KCNT2: variants seen among roughly 807,000 people sequenced by gnomAD.
KCNT2 encodes potassium sodium-activated channel subfamily T member 2.
Under a neutral mutation model 153.8 loss-of-function variants are expected in KCNT2, and 67 were observed. The observed-to-expected ratio is 0.44, with a 90% confidence interval of 0.36 to 0.53. The LOEUF (loss-of-function observed/expected upper bound fraction) is 0.53, where lower values mean the gene tolerates loss of function less well. Ranked by LOEUF, KCNT2 falls within the 20% of genes least tolerant of loss-of-function variation. The pLI is 0.00. For synonymous variants in KCNT2, 500 were observed against 458.8 expected, an observed-to-expected ratio of 1.09 and a Z score of -1.15; for missense variants, 975 against 1,354.8, an observed-to-expected ratio of 0.72 and a Z score of 4.40.
intron 12 of KCNT2, among the ~76,000 whole-genome samples, chr1:196,421,055 C>T (rs1045688391): frequency 4.6e-5 from 7 of 152,130 alleles, no homozygotes; most frequent in African/African-American, 7.2e-5. Context: ...GGTTGCAAAA[C>T]GCAGCTTGCT....
At chr1:196,280,546 A>G (rs1199809380) in intron 25 of KCNT2, among the ~76,000 whole-genome samples, 1 of 152,204 alleles carries the variant, frequency 6.6e-6, no homozygotes, top group East Asian at 1.9e-4. Flanking sequence ...TCAGAACCTC[A>G]AGGTTATTTG....
intron 1 of KCNT2, among the ~76,000 whole-genome samples, chr1:196,547,953 G>A (rs958754105): frequency 6.6e-6 from 1 of 151,630 alleles, no homozygotes; most frequent in Non-Finnish European, 1.5e-5. Context: ...TTCTGATCTG[G>A]TACGTCTATA....
At chr1:196,398,693 C>T (rs1028863674) in intron 12 of KCNT2, 22 bp from the exon 13 acceptor site, 4 of 1,192,450 alleles carry the variant, frequency 3.4e-6, no homozygotes, top group African/African-American at 3.0e-5. Flanking sequence ...AAAATAAAAA[C>T]ATCATAGCAT....
intron 18 of KCNT2, among the ~76,000 whole-genome samples, chr1:196,327,791 C>T (rs1229909452): frequency 6.6e-6 from 1 of 151,564 alleles, no homozygotes; most frequent in African/African-American, 2.4e-5. Context: ...CTCAGCCTCC[C>T]GAGTAGCTGG....
chr1:196,271,315 T>C (rs1323703247), intron 25 of KCNT2, among the ~76,000 whole-genome samples: 4 of 152,024 alleles, frequency 2.6e-5, no homozygotes, highest in Non-Finnish European at 4.4e-5. Flanking sequence ...TTTATAATTT[T>C]CTCTTCAGTT....
intron 8 of KCNT2, among the ~76,000 whole-genome samples, chr1:196,443,551 T>C (rs747465889): frequency 6.6e-6 from 1 of 151,464 alleles, no homozygotes; most frequent in African/African-American, 2.4e-5. Context: ...GAAAAAACAG[T>C]TCATACCACA....
At chr1:196,463,366 A>G (rs1427591472) in intron 8 of KCNT2, among the ~76,000 whole-genome samples, 1 of 151,846 alleles carries the variant, frequency 6.6e-6, no homozygotes, top group Non-Finnish European at 1.5e-5. Flanking sequence ...AGTTATGAAG[A>G]CAGTTTGCTT....
intron 1 of KCNT2, among the ~76,000 whole-genome samples, chr1:196,545,532 C>T (rs2148883692): frequency 6.6e-6 from 1 of 152,110 alleles, no homozygotes; most frequent in East Asian, 1.9e-4. Flanking sequence ...TCCACTTGGT[C>T]TTTTCCTTTA....
chr1:196,256,880 C>T (rs1475345155), intron 26 of KCNT2, among the ~76,000 whole-genome samples: 2 of 151,914 alleles, frequency 1.3e-5, no homozygotes, highest in Non-Finnish European at 2.9e-5. Context: ...AATATAATCA[C>T]CTTCCATGTA....
At chr1:196,462,697 A>C (rs1677254186) in intron 8 of KCNT2, among the ~76,000 whole-genome samples, 1 of 151,768 alleles carries the variant, frequency 6.6e-6, no homozygotes, top group East Asian at 1.9e-4. Flanking sequence ...AAATAACCTT[A>C]TAGAGTGATT....
At chr1:196,359,738 A>G (rs1006539030) in intron 14 of KCNT2, among the ~76,000 whole-genome samples, 24 of 152,046 alleles carry the variant, frequency 1.6e-4, no homozygotes, top group African/African-American at 5.8e-4. Context: ...ATATTCATGA[A>G]GAGATAGAAT....
chr1:196,444,792 G>A (rs1193912504), intron 8 of KCNT2, among the ~76,000 whole-genome samples: 2 of 151,274 alleles, frequency 1.3e-5, no homozygotes, highest in African/African-American at 4.8e-5. Context: ...GGAAGTGTTT[G>A]AGGTCATCAG....
chr1:196,264,520 G>T (rs1382111919), intron 25 of KCNT2, among the ~76,000 whole-genome samples: 4 of 152,020 alleles, frequency 2.6e-5, no homozygotes, highest in Non-Finnish European at 5.9e-5. Context: ...GCTTTCAAGT[G>T]CCAACACTCT....
intron 17 of KCNT2, among the ~76,000 whole-genome samples, chr1:196,331,790 A>C (rs537262032): frequency 6.6e-6 from 1 of 152,264 alleles, no homozygotes; most frequent in Admixed American, 6.5e-5. Context: ...AAAATGCATT[A>C]TTATGATTTG....
At chr1:196,281,237 C>A (rs1385009151) in intron 24 of KCNT2, among the ~76,000 whole-genome samples, 1 of 152,026 alleles carries the variant, frequency 6.6e-6, no homozygotes, top group Non-Finnish European at 1.5e-5. Flanking sequence ...TCATGCTTAT[C>A]CATGTATTAA....
chr1:196,330,166 T>A (rs1483141489), intron 18 of KCNT2, among the ~76,000 whole-genome samples: 2 of 150,976 alleles, frequency 1.3e-5, no homozygotes, highest in Non-Finnish European at 3.0e-5. Flanking sequence ...AGGAATTTTC[T>A]AATGTTCTGT....
At chr1:196,368,883 A>G (rs1335853185) in intron 14 of KCNT2, among the ~76,000 whole-genome samples, 1 of 152,152 alleles carries the variant, frequency 6.6e-6, no homozygotes, top group African/African-American at 2.4e-5. Context: ...AAGCAAATAC[A>G]TCCAATATCA....
At chr1:196,323,903 G>A (rs1246748168) in intron 19 of KCNT2, among the ~76,000 whole-genome samples, 1 of 149,504 alleles carries the variant, frequency 6.7e-6, no homozygotes. Context: ...CATTTTTTTT[G>A]TAATATTGTA....
intron 20 of KCNT2, among the ~76,000 whole-genome samples, chr1:196,316,657 C>A (rs1478007807): frequency 1.3e-5 from 2 of 151,602 alleles, no homozygotes; most frequent in Non-Finnish European, 3.0e-5. Flanking sequence ...AACCCGATTT[C>A]TTTGGCTGGA....
Sources: gnomAD v4.1 joint callset for allele counts (sites outside exome capture counted in the v4.1 genomes callset) on GRCh38, gnomAD v4.1.1 for gene constraint, MANE v1.5 for transcripts, NCBI Gene and HGNC (gene_info 2026-07-23, HGNC 2026-07-21) for gene names.